TESMIN: variants seen among roughly 807,000 people sequenced by gnomAD.
TESMIN encodes CXC domain containing 2.
In TESMIN, 34 loss-of-function variants were observed where a neutral mutation model predicts 47.4. That is an observed-to-expected ratio of 0.72 (90% CI 0.55 to 0.96). The LOEUF (loss-of-function observed/expected upper bound fraction) is 0.96, where lower values mean the gene tolerates loss of function less well. Among genes scored for constraint, TESMIN ranks in the 40% least tolerant of loss-of-function variants. The pLI is 0.00. For missense variants in TESMIN, 610 were observed against 637.2 expected, an observed-to-expected ratio of 0.96 and a Z score of 0.46; for synonymous variants, 278 against 258.9, an observed-to-expected ratio of 1.07 and a Z score of -0.71.
chr11:68,721,903 T>C (rs1946207837), intron 6 of TESMIN, among the ~76,000 whole-genome samples: 1 of 152,342 alleles, frequency 6.6e-6, no homozygotes, highest in East Asian at 1.9e-4. Context: ...TAAAATGGTA[T>C]GGCCACTATG....
At chr11:68,732,331 C>G (rs771509311) in intron 6 of TESMIN, among the ~76,000 whole-genome samples, 2 of 152,236 alleles carry the variant, frequency 1.3e-5, no homozygotes, top group Non-Finnish European at 2.9e-5. Context: ...GCCTTCCATT[C>G]TGACGTAATT....
At chr11:68,713,167 A>G in intron 8 of TESMIN, 103 bp downstream of exon 8, 1 of 1,186,006 alleles carries the variant, frequency 8.4e-7, no homozygotes, top group Non-Finnish European at 1.1e-6. Context: ...AAAAATAATT[A>G]TATTTATCTT....
intron 6 of TESMIN, chr11:68,738,002 A>G: frequency 1.0e-6 from 1 of 985,658 alleles, no homozygotes; most frequent in Non-Finnish European, 1.2e-6. Context: ...GCTGATCTCC[A>G]TAATCAACTA....
In TESMIN at chr11:68,710,951, C is replaced by G; in HGVS notation, c.1257G>C (p.Met419Ile). 6.2e-7 allele frequency: 1 copy of G among 1,614,094 alleles called. No homozygotes were observed. The highest frequency in any genetic ancestry group is 8.5e-7 in the Non-Finnish European group (1 of 1,179,988). ...GGCTGCCTTCCAAACCTCCAGTCTGCATGTAGTTTGGCATGCTCATTAGTG... is the reference window on the plus strand; with the variant it reads ...GGCTGCCTTCCAAACCTCCAGTCTGGATGTAGTTTGGCATGCTCATTAGTG... ...RKTLMSMPNY[M>I]QTGGLEGSHY... The change falls in exon 9 of 10, where the codon ATG becomes ATC. Residue 419 changes from methionine (M) to isoleucine (I), a missense_variant. Met to Ile is a conservative substitution (Grantham distance 10). Transcript: ENST00000255087.
At chr11:68,705,507 T>C (rs1945989256), downstream of TESMIN, among the ~76,000 whole-genome samples, 1 of 152,116 alleles carries the variant, frequency 6.6e-6, no homozygotes, top group Non-Finnish European at 1.5e-5. Context: ...CTAAGGATGC[T>C]CCCTGGCCGC....
At chr11:68,732,738 C>T (rs1354696262) in intron 6 of TESMIN, 1 of 152,262 alleles carries the variant, frequency 6.6e-6, no homozygotes, top group Non-Finnish European at 1.5e-5. Flanking sequence ...CCAATGAGAG[C>T]TCAAACATTT....
At chr11:68,717,067 G>T (rs1251437451) in intron 6 of TESMIN, among the ~76,000 whole-genome samples, 1 of 152,254 alleles carries the variant, frequency 6.6e-6, no homozygotes, top group Non-Finnish European at 1.5e-5. Context: ...TTCCCATAGT[G>T]CTGCAGGAAC....
intron 3 of TESMIN, among the ~76,000 whole-genome samples, 189 bp from the exon 4 acceptor site, chr11:68,745,300 CAAAAAAAAAA>C (rs71993839): frequency 1.4e-3 from 99 of 72,492 alleles, no homozygotes; most frequent in Non-Finnish European, 2.5e-3. Context: ...CACCAAAGGG[CAAAAAAAAAA>C]AAAAAAAAAA....
intron 6 of TESMIN, among the ~76,000 whole-genome samples, chr11:68,726,754 T>C (rs2153991416): frequency 6.6e-6 from 1 of 151,614 alleles, no homozygotes; most frequent in African/African-American, 2.4e-5. Flanking sequence ...GAAGAAACAA[T>C]ATCACAGACT....
At chr11:68,713,174 T>C in intron 8 of TESMIN, 96 bp downstream of exon 8, 1 of 1,244,114 alleles carries the variant, frequency 8.0e-7, no homozygotes, top group Non-Finnish European at 1.1e-6. Context: ...ATTATATTTA[T>C]CTTTTTAAAT....
At chr11:68,728,826 C>T (rs954168174) in intron 6 of TESMIN, among the ~76,000 whole-genome samples, 6 of 152,234 alleles carry the variant, frequency 3.9e-5, no homozygotes, top group African/African-American at 1.4e-4. Context: ...GCCTGAATGA[C>T]AGCACATCTG....
intron 6 of TESMIN, among the ~76,000 whole-genome samples, chr11:68,731,138 G>A (rs1176107755): frequency 6.6e-6 from 1 of 152,216 alleles, no homozygotes; most frequent in East Asian, 1.9e-4. Flanking sequence ...AAACCTGAAA[G>A]CAGAAGTTGC....
chr11:68,744,901 G>A, intron 4 of TESMIN, 90 bp downstream of exon 4: 2 of 1,091,302 alleles, frequency 1.8e-6, no homozygotes, highest in Middle Eastern at 3.0e-4. Flanking sequence ...TAATATCCTG[G>A]TTGCCATTTC....
At chr11:68,719,307 G>T (rs1946177729) in intron 6 of TESMIN, among the ~76,000 whole-genome samples, 1 of 152,180 alleles carries the variant, frequency 6.6e-6, no homozygotes, top group Non-Finnish European at 1.5e-5. Context: ...GAAAGGGAAA[G>T]GTAAAGAAGT....
At chr11:68,741,465 A>G (rs991960039) in intron 5 of TESMIN, among the ~76,000 whole-genome samples, 5 of 151,948 alleles carry the variant, frequency 3.3e-5, no homozygotes, top group Non-Finnish European at 5.9e-5. Flanking sequence ...CATCCCCCCA[A>G]TCCGCTTCCT....
intron 6 of TESMIN, chr11:68,737,479 A>T: frequency 1.0e-6 from 1 of 985,668 alleles, no homozygotes; most frequent in Non-Finnish European, 1.2e-6. Flanking sequence ...CCTCACACTT[A>T]CCAAGGCCAT....
Position 68,725,093 on chromosome 11 carries a change from C to T in TESMIN, c.918-9154G>A, listed in dbSNP as rs117775297. On this transcript the variant is annotated intron_variant, in intron 6 of 9. Transcript: ENST00000255087. The stretch of plus-strand genomic sequence containing the variant: ...TAGAAAGTTGAAGGAAATCCACAGA[C>T]AAATCATTACAAATAAGAAGCAGAA... Among the ~76,000 whole-genome samples, 651 of 152,240 alleles carry T rather than the reference C, an allele frequency of 4.3e-3. 5 individuals are homozygous for T. Among genetic ancestry groups the T allele is most frequent in the Admixed American group, 6.9e-3 (106 of 15,292 alleles).
chr11:68,750,917 CAGATGAGGGGCGATT>C (rs1481163806), intron 1 of TESMIN, among the ~76,000 whole-genome samples: 4 of 94,992 alleles, frequency 4.2e-5, no homozygotes, highest in Non-Finnish European at 6.4e-5. Context: ...GAGGGGCGAC[CAGATGAGGGGCGATT>C]AGGTGAGGGG....
rs116183646 is a variant in TESMIN, at chr11:68,740,618, C to T, written c.828+1700G>A. On this transcript the variant is annotated intron_variant, in intron 5 of 9. Coordinates refer to ENST00000255087, the MANE Select transcript of TESMIN (RefSeq NM_004923.3). ...GAGGTTCCAACACAGACTGCATCTGCGTGCTCGCCAGATCCCGACTTACAC... is the reference window on the plus strand; with the variant it reads ...GAGGTTCCAACACAGACTGCATCTGTGTGCTCGCCAGATCCCGACTTACAC... Among the ~76,000 whole-genome samples the T allele has an allele frequency of 2.8e-3, 422 of 152,304 alleles. 2 individuals are homozygous for T. The highest frequency in any genetic ancestry group is 9.7e-3 in the African/African-American group (402 of 41,552).
Sources: gnomAD v4.1 joint callset for allele counts (sites outside exome capture counted in the v4.1 genomes callset) on GRCh38, gnomAD v4.1.1 for gene constraint, MANE v1.5 for transcripts, NCBI Gene and HGNC (gene_info 2026-07-23, HGNC 2026-07-21) for gene names.